Variants in MUSK observed in about 807,000 individuals in gnomAD.
MUSK encodes muscle, skeletal receptor tyrosine-protein kinase.
Under a neutral mutation model 88.7 loss-of-function variants are expected in MUSK, and 55 were observed. That is an observed-to-expected ratio of 0.62 (90% confidence interval 0.50 to 0.78). The LOEUF (loss-of-function observed/expected upper bound fraction) is 0.78, where lower values mean the gene tolerates loss of function less well. Ranked by LOEUF, MUSK falls within the 30% of genes least tolerant of loss-of-function variation. The pLI, the probability that MUSK is intolerant of heterozygous loss-of-function variation, is 0.00. For missense variants in MUSK, 1,015 were observed against 1,074.3 expected (o/e 0.94, Z 0.77); for synonymous variants, 387 against 391.9 (o/e 0.99, Z 0.15).
At chr9:110,690,066 G>A (rs1473815222) in intron 3 of MUSK, among the ~76,000 whole-genome samples, 1,138 of 85,750 alleles carry the variant, frequency 0.013, 12 homozygotes, top group Middle Eastern at 0.03. Flanking sequence ...TATATATTAT[G>A]TAAGTATAAA....
chr9:110,721,289 G>A (rs2076808104), intron 5 of MUSK, among the ~76,000 whole-genome samples: 1 of 152,118 alleles, frequency 6.6e-6, no homozygotes, highest in South Asian at 2.1e-4. Flanking sequence ...CAGTAAAGAG[G>A]AAGTCAGAAT....
intron 3 of MUSK, among the ~76,000 whole-genome samples, chr9:110,689,968 A>G (rs1392453098): frequency 1.3e-5 from 1 of 75,582 alleles, no homozygotes; most frequent in Non-Finnish European, 2.3e-5. Flanking sequence ...ATATATTTAT[A>G]TATTATATTA....
chr9:110,674,480 C>T (rs2075999293), intron 1 of MUSK, among the ~76,000 whole-genome samples: 1 of 152,150 alleles, frequency 6.6e-6, no homozygotes, highest in South Asian at 2.1e-4. Flanking sequence ...TCTTCTCCCA[C>T]TTGACTACGA....
intron 1 of MUSK, among the ~76,000 whole-genome samples, chr9:110,679,354 GC>G (rs2076076777): frequency 6.6e-6 from 1 of 151,716 alleles, no homozygotes; most frequent in Non-Finnish European, 1.5e-5. Context: ...AAATGCATAT[GC>G]CCCTATATTA....
chr9:110,735,072 A>G (rs1171126436), intron 6 of MUSK, among the ~76,000 whole-genome samples: 1 of 152,100 alleles, frequency 6.6e-6, no homozygotes, highest in African/African-American at 2.4e-5. Context: ...AGAAAGTTCA[A>G]CCTTAGGAGA....
chr9:110,740,118 T>C (rs1411868805), intron 6 of MUSK, among the ~76,000 whole-genome samples: 1 of 152,142 alleles, frequency 6.6e-6, no homozygotes, highest in Non-Finnish European at 1.5e-5. Flanking sequence ...CAAATGATAT[T>C]AAGTATAATT....
At chr9:110,679,622 C>G (rs2076081534) in intron 1 of MUSK, among the ~76,000 whole-genome samples, 1 of 149,660 alleles carries the variant, frequency 6.7e-6, no homozygotes, top group African/African-American at 2.5e-5. Context: ...CTTATTTATT[C>G]CTCCTCTTCT....
chr9:110,675,562 CTTTTTT>C (rs10607243), intron 1 of MUSK, among the ~76,000 whole-genome samples: 1 of 61,614 alleles, frequency 1.6e-5, no homozygotes, highest in Admixed American at 2.5e-4. Context: ...ATAGTCTTCC[CTTTTTT>C]TTTTTTTTTT....
chr9:110,763,743 T>A (rs769978785), intron 8 of MUSK, among the ~76,000 whole-genome samples: 17 of 152,146 alleles, frequency 1.1e-4, no homozygotes, highest in Non-Finnish European at 1.6e-4. Context: ...CACTAGAGTC[T>A]TGGGGTTGTC....
chr9:110,788,665 A>G (rs1486686221), intron 14 of MUSK, among the ~76,000 whole-genome samples: 1 of 151,790 alleles, frequency 6.6e-6, no homozygotes, highest in Non-Finnish European at 1.5e-5. Flanking sequence ...CTGTGCTCTC[A>G]TAGAGCATAC....
intron 14 of MUSK, among the ~76,000 whole-genome samples, chr9:110,799,689 T>G (rs1349830450): frequency 1.3e-5 from 2 of 152,166 alleles, no homozygotes; most frequent in African/African-American, 4.8e-5. Context: ...TAAAGAAGAA[T>G]AAGGTTCAAT....
intron 5 of MUSK, among the ~76,000 whole-genome samples, chr9:110,699,141 T>A (rs929693383): frequency 3.9e-5 from 6 of 152,210 alleles, no homozygotes; most frequent in Non-Finnish European, 8.8e-5. Flanking sequence ...TACAGTTTGG[T>A]TTTGTGTTAC....
chr9:110,745,881 C>A (rs1161283790), intron 6 of MUSK, among the ~76,000 whole-genome samples: 1 of 152,170 alleles, frequency 6.6e-6, no homozygotes, highest in Non-Finnish European at 1.5e-5. Context: ...GCTAGTTGGA[C>A]AAACGTTCAC....
intron 4 of MUSK, among the ~76,000 whole-genome samples, chr9:110,697,100 A>G (rs2076440322): frequency 6.7e-6 from 1 of 149,696 alleles, no homozygotes; most frequent in South Asian, 2.1e-4. Flanking sequence ...GGATGAAAGA[A>G]AATAAAAATA....
At chr9:110,753,381 G>C (rs2077271278) in intron 7 of MUSK, among the ~76,000 whole-genome samples, 1 of 150,172 alleles carries the variant, frequency 6.7e-6, no homozygotes, top group Non-Finnish European at 1.5e-5. Context: ...GCAATGAGCT[G>C]AAATTGCACC....
intron 1 of MUSK, among the ~76,000 whole-genome samples, chr9:110,681,080 T>TAA (rs1491549151): frequency 2.7e-4 from 7 of 25,984 alleles, no homozygotes; most frequent in African/African-American, 1.8e-3. Flanking sequence ...ATTATATATA[T>TAA]TATATAATAT....
chr9:110,682,737 T>C lies in MUSK; in HGVS notation c.143T>C (p.Met48Thr), dbSNP rs2131656675. The change falls in exon 2 of 15, where the codon ATG becomes ACG. Residue 48 changes from methionine (M) to threonine (T), a missense_variant. Transcript: ENST00000374448. ...DALVEEVATF[M>T]CAVESYPQPE... is the part of the protein sequence containing the mutation. ...TTAGTTGAAGAAGTGGCTACTTTCA[T>C]GTGTGCAGTGGAATCCTACCCCCAG... The C allele has an allele frequency of 3.1e-6, 5 of 1,612,964 alleles. No homozygotes were observed. The highest frequency in any genetic ancestry group is 1.3e-5 in the African/African-American group (1 of 75,000).
At chr9:110,712,386 T>C (rs1210412464) in intron 5 of MUSK, among the ~76,000 whole-genome samples, 2 of 152,142 alleles carry the variant, frequency 1.3e-5, no homozygotes, top group Non-Finnish European at 2.9e-5. Flanking sequence ...TGTTATTCAT[T>C]TAATTTATGG....
At chr9:110,717,466 T>C (rs1467183728) in intron 5 of MUSK, among the ~76,000 whole-genome samples, 1 of 150,000 alleles carries the variant, frequency 6.7e-6, no homozygotes, top group African/African-American at 2.5e-5. Flanking sequence ...TTCCTTGGCA[T>C]TATCCAAAAT....
Sources: allele counts gnomAD v4.1 joint callset (sites outside exome capture counted in the v4.1 genomes callset), GRCh38; gene constraint gnomAD v4.1.1; transcripts MANE v1.5; gene names NCBI Gene and HGNC (gene_info 2026-07-23, HGNC 2026-07-21).